Variants in CWF19L1 observed in about 807,000 individuals in gnomAD.
The protein encoded by CWF19L1 is CWF19-like protein 1.
Under a neutral mutation model 69.7 loss-of-function variants are expected in CWF19L1, and 60 were observed. The observed-to-expected ratio is 0.86, with a 90% CI of 0.70 to 1.07. The LOEUF is 1.07. CWF19L1 is among the 50% of genes least tolerant of loss of function. The pLI is 0.00. For missense variants in CWF19L1, 591 were observed against 638.9 expected (o/e 0.92, Z 0.81); for synonymous variants, 209 against 222.2 (o/e 0.94, Z 0.53).
chr10:100,233,501 T>C (rs966515317), intron 13 of CWF19L1, 130 bp from the exon 14 acceptor site: 48 of 804,566 alleles, frequency 6.0e-5, no homozygotes, highest in Non-Finnish European at 8.2e-5. Context: ...TGCCATACTA[T>C]TGATCAAAAT....
At position 100,250,343 on chromosome 10, in the gene CWF19L1, T is replaced by C; in HGVS notation, c.624-11A>G. The C allele has an allele frequency of 1.9e-6, 3 of 1,576,014 alleles. No individual in the cohort carries two copies. Among genetic ancestry groups the C allele is most frequent in the Non-Finnish European group, 1.7e-6 (2 of 1,146,286 alleles). On this transcript the variant is annotated splice_polypyrimidine_tract_variant and intron_variant, in intron 6 of 13. Transcript: ENST00000354105. ...AGAATGATATGGTTTCTACAACATATTTGAGAGACAAAAAATTGCAAACAA... is the reference window on the plus strand; with the variant it reads ...AGAATGATATGGTTTCTACAACATACTTGAGAGACAAAAAATTGCAAACAA...
intron 9 of CWF19L1, among the ~76,000 whole-genome samples, chr10:100,245,559 T>C (rs1163982547): frequency 6.6e-6 from 1 of 152,070 alleles, no homozygotes; most frequent in South Asian, 2.1e-4. Flanking sequence ...CTATAACAAA[T>C]GTTGACAGGG....
chr10:100,267,147 CAAA>C (rs56827592), intron 1 of CWF19L1, among the ~76,000 whole-genome samples: 2,092 of 30,664 alleles, frequency 0.068, 25 homozygotes, highest in South Asian at 0.1. Flanking sequence ...CTCCTCCTCG[CAAA>C]AAAAAAAAAA....
intron 8 of CWF19L1, among the ~76,000 whole-genome samples, chr10:100,246,358 A>G (rs1846819251): frequency 6.6e-6 from 1 of 152,214 alleles, no homozygotes; most frequent in Non-Finnish European, 1.5e-5. Flanking sequence ...GGAACTTGAC[A>G]TTCCTTGCTT....
At chr10:100,261,090 AAC>A (rs1564862842) in intron 2 of CWF19L1, 46 bp from the exon 3 acceptor site, 3 of 1,245,786 alleles carry the variant, frequency 2.4e-6, no homozygotes, top group South Asian at 2.5e-5. Context: ...TAAAATATCA[AAC>A]AGTACATAAT....
chr10:100,233,569 C>G (rs1484748055), intron 13 of CWF19L1, 198 bp from the exon 14 acceptor site: 9 of 408,652 alleles, frequency 2.2e-5, no homozygotes, highest in Non-Finnish European at 3.8e-5. Flanking sequence ...CTTCAAACCC[C>G]ACTTGCTTCT....
chr10:100,264,402 G>C (rs188549515), intron 1 of CWF19L1, among the ~76,000 whole-genome samples: 2 of 151,892 alleles, frequency 1.3e-5, no homozygotes, highest in African/African-American at 2.4e-5. Flanking sequence ...AAAATTAGCC[G>C]GGCGTGGTGG....
At chr10:100,264,605 T>C (rs1302145744) in intron 1 of CWF19L1, among the ~76,000 whole-genome samples, 1 of 141,934 alleles carries the variant, frequency 7.0e-6, no homozygotes, top group East Asian at 2.0e-4. Context: ...CACTCCTACG[T>C]ATTCAAAAAA....
intron 1 of CWF19L1, among the ~76,000 whole-genome samples, chr10:100,265,871 T>C (rs995873636): frequency 6.6e-6 from 1 of 152,146 alleles, no homozygotes; most frequent in African/African-American, 2.4e-5. Context: ...ATGCTTACCA[T>C]TGTGTTACAA....
rs771426135 is a variant in CWF19L1 at position 100,267,590 on chromosome 10, C to T, written c.4G>A (p.Ala2Thr). 3 of 1,614,088 alleles carry T rather than the reference C, an allele frequency of 1.9e-6. No individual in the cohort carries two copies. The highest frequency in any genetic ancestry group is 2.5e-6 in the Non-Finnish European group (3 of 1,180,046). Residue 2 changes from alanine to threonine, a missense_variant, in exon 1 of 14, where the codon GCA (alanine) becomes ACA (threonine). Around this residue, in one of 3 missense-constraint regions of CWF19L1, gnomAD observed 129 missense variants for 131.3 expected, o/e 0.98. Coordinates refer to ENST00000354105, the MANE Select transcript of CWF19L1 (RefSeq NM_018294.6). MAQKPLRLLACG... is the reference protein window; with the variant it reads MTQKPLRLLACG... The stretch of plus-strand genomic sequence containing the variant: ...ACTCACAGGCGCAGCGGTTTCTGTG[C>T]CATCTGTCCGAATAGTATGGGTTGC...
At chr10:100,264,775 G>A (rs1209891320) in intron 1 of CWF19L1, among the ~76,000 whole-genome samples, 7 of 151,980 alleles carry the variant, frequency 4.6e-5, no homozygotes, top group African/African-American at 1.7e-4. Flanking sequence ...TGATACTGAT[G>A]ATCCTGACCC....
At chr10:100,244,190 A>G (rs1846729520) in intron 9 of CWF19L1, among the ~76,000 whole-genome samples, 1 of 152,252 alleles carries the variant, frequency 6.6e-6, no homozygotes, top group Non-Finnish European at 1.5e-5. Flanking sequence ...GAGAATCTCA[A>G]TGAAACACTC....
chr10:100,254,903 A>C (rs1847159966), intron 5 of CWF19L1, among the ~76,000 whole-genome samples: 1 of 152,130 alleles, frequency 6.6e-6, no homozygotes, highest in African/African-American at 2.4e-5. Context: ...TGGGTTTGTC[A>C]AAAAGGAAGA....
chr10:100,267,486 G>A (rs1847640433), intron 1 of CWF19L1, 85 bp downstream of exon 1: 1 of 1,611,964 alleles, frequency 6.2e-7, no homozygotes, highest in Non-Finnish European at 8.5e-7. Context: ...CTCCCTTCCC[G>A]TCATGGGAAA....
chr10:100,263,436 G>A (rs1455119305), intron 1 of CWF19L1, among the ~76,000 whole-genome samples: 1 of 152,180 alleles, frequency 6.6e-6, no homozygotes, highest in Non-Finnish European at 1.5e-5. Flanking sequence ...CAAAAACTCA[G>A]AAAACCACAT....
intron 8 of CWF19L1, among the ~76,000 whole-genome samples, chr10:100,246,564 G>A (rs997128360): frequency 1.3e-5 from 2 of 152,092 alleles, no homozygotes; most frequent in African/African-American, 2.4e-5. Flanking sequence ...AACCCCAAAC[G>A]TCTGAATCCA....
intron 11 of CWF19L1, chr10:100,237,207 G>A (rs368401952): frequency 5.8e-5 from 41 of 701,624 alleles, no homozygotes; most frequent in African/African-American, 4.7e-4. Context: ...AGATATCTCC[G>A]TCACAAGCCT....
chr10:100,261,746 G>T (rs1356676919), intron 2 of CWF19L1, among the ~76,000 whole-genome samples: 2 of 152,126 alleles, frequency 1.3e-5, no homozygotes, highest in Non-Finnish European at 2.9e-5. Context: ...TCAGTTTTTT[G>T]TACAGTGATA....
intron 10 of CWF19L1, among the ~76,000 whole-genome samples, 153 bp from the exon 11 acceptor site, chr10:100,238,384 G>T (rs1303254301): frequency 6.6e-6 from 1 of 152,216 alleles, no homozygotes; most frequent in Non-Finnish European, 1.5e-5. Context: ...TGATTTTAGA[G>T]ATTGTAGCAA....
Sources: gnomAD v4.1 joint callset for allele counts (sites outside exome capture counted in the v4.1 genomes callset) on GRCh38, gnomAD v4.1.1 for gene constraint, gnomAD v4.1.1 regional missense constraint, MANE v1.5 for transcripts, NCBI Gene and HGNC (gene_info 2026-07-23, HGNC 2026-07-21) for gene names.